Variants in GBF1 observed in about 807,000 individuals in gnomAD.
The protein encoded by GBF1 is Golgi-specific brefeldin A-resistance guanine nucleotide exchange factor 1.
In GBF1, 114 loss-of-function variants were observed where a neutral mutation model predicts 210.5. The ratio of observed to expected loss-of-function variants is 0.54; its 90% confidence interval spans 0.47 to 0.63. The LOEUF (loss-of-function observed/expected upper bound fraction) is 0.63. GBF1 is among the 30% of genes least tolerant of loss of function. The pLI is 0.00. For missense variants in GBF1, 1,851 were observed against 2,357.7 expected, an observed-to-expected ratio of 0.79 and a Z score of 4.45; for synonymous variants, 850 against 889.2, an observed-to-expected ratio of 0.96 and a Z score of 0.78.
intron 3 of GBF1, among the ~76,000 whole-genome samples, chr10:102,269,069 TTAGA>T (rs913232127): frequency 6.6e-6 from 1 of 152,218 alleles, no homozygotes; most frequent in Non-Finnish European, 1.5e-5. Flanking sequence ...CCTAAAGAAC[TTAGA>T]TGGACAAGCA....
chr10:102,326,843 GT>G (rs932258058), intron 3 of GBF1, among the ~76,000 whole-genome samples: 5 of 152,104 alleles, frequency 3.3e-5, no homozygotes, highest in Non-Finnish European at 5.9e-5. Context: ...TATATCAGTA[GT>G]TTTTTTCTGT....
chr10:102,250,591 C>T (rs2071391929), intron 1 of GBF1, among the ~76,000 whole-genome samples: 1 of 151,384 alleles, frequency 6.6e-6, no homozygotes, highest in Non-Finnish European at 1.5e-5. Flanking sequence ...TCAACCATTC[C>T]TCCTGCTTTG....
intron 24 of GBF1, 69 bp downstream of exon 24, chr10:102,369,456 A>ATAGAAG: frequency 7.9e-7 from 1 of 1,268,084 alleles, no homozygotes; most frequent in African/African-American, 1.5e-5. Flanking sequence ...CTACCTGTAC[A>ATAGAAG]TAGAAGTAAG....
chr10:102,272,995 C>A (rs2074589614), intron 3 of GBF1, among the ~76,000 whole-genome samples: 1 of 152,128 alleles, frequency 6.6e-6, no homozygotes, highest in African/African-American at 2.4e-5. Context: ...CACTTCCTTG[C>A]TTTCTGGTAC....
chr10:102,251,506 A>G (rs1319674897), intron 1 of GBF1, among the ~76,000 whole-genome samples: 1 of 152,134 alleles, frequency 6.6e-6, no homozygotes, highest in Non-Finnish European at 1.5e-5. Flanking sequence ...CATGGTGGTG[A>G]TACACTAAAT....
At chr10:102,281,256 C>T (rs1000131849) in intron 3 of GBF1, among the ~76,000 whole-genome samples, 1 of 152,066 alleles carries the variant, frequency 6.6e-6, no homozygotes, top group Admixed American at 6.6e-5. Flanking sequence ...AGAAAATCAA[C>T]TCTATTGCAA....
At chr10:102,262,556 C>T (rs2073371555) in intron 3 of GBF1, among the ~76,000 whole-genome samples, 2 of 152,262 alleles carry the variant, frequency 1.3e-5, no homozygotes, top group Non-Finnish European at 2.9e-5. Flanking sequence ...ACTGGGAATA[C>T]CCTAAAATGA....
In GBF1 at chr10:102,360,232, G is replaced by C. The variant is rs1038173884; in HGVS notation, c.1229G>C (p.Arg410Pro). The change falls in exon 12 of 40, where the codon CGC becomes CCC. Residue 410 changes from arginine (R) to proline (P), a missense_variant. By Grantham distance (103) the Arg-to-Pro change is moderately radical. Transcript: ENST00000369983. ...CTTCCCTGCATCCGCGAGCTCTTCC[G>C]CTTCCTCATCTCCCTCACCAATCCA... is the stretch of plus-strand genomic sequence containing the variant. ...YGLPCIRELF[R>P]FLISLTNPHD... 1 of 1,613,822 alleles carries C rather than the reference G, an allele frequency of 6.2e-7. No individual in the cohort carries two copies. The highest frequency in any genetic ancestry group is 1.3e-5 in the African/African-American group (1 of 74,872).
chr10:102,275,277 A>G (rs2133361654), intron 3 of GBF1, among the ~76,000 whole-genome samples: 2 of 152,308 alleles, frequency 1.3e-5, no homozygotes, highest in South Asian at 2.1e-4. Flanking sequence ...GTAGCAGCCT[A>G]CTACCTTTAG....
intron 3 of GBF1, among the ~76,000 whole-genome samples, chr10:102,303,430 T>C (rs2077567681): frequency 6.6e-6 from 1 of 152,234 alleles, no homozygotes; most frequent in Admixed American, 6.5e-5. Flanking sequence ...TGACCATAAA[T>C]GGCCCTGGTG....
In GBF1 at chr10:102,369,402, G is replaced by A. The variant is rs748441026; in HGVS notation, c.3150+15G>A. On this transcript the variant is annotated intron_variant, in intron 24 of 39. Coordinates refer to ENST00000369983, the MANE Select transcript of GBF1 (RefSeq NM_001377137.1). ...CTATGATAGAGGTAATTCTTAGTAGGAGACTAGTGAGCGATAACAAGGCAA... is the reference window on the plus strand; with the variant it reads ...CTATGATAGAGGTAATTCTTAGTAGAAGACTAGTGAGCGATAACAAGGCAA... 1 of 1,592,614 alleles carries A rather than the reference G, an allele frequency of 6.3e-7. No homozygotes were observed. The highest frequency in any genetic ancestry group is 1.1e-5 in the South Asian group (1 of 90,476).
intron 3 of GBF1, among the ~76,000 whole-genome samples, chr10:102,338,148 ATCAG>A (rs1054379143): frequency 6.6e-6 from 1 of 152,070 alleles, no homozygotes; most frequent in Non-Finnish European, 1.5e-5. Flanking sequence ...CTAGTTTTTC[ATCAG>A]TAGGTTTCTA....
At chr10:102,358,751 T>A in intron 10 of GBF1, 22 bp downstream of exon 10, 1 of 1,466,046 alleles carries the variant, frequency 6.8e-7, no homozygotes, top group Non-Finnish European at 9.6e-7. Flanking sequence ...ATTTTTAATG[T>A]CCCTCTTCAG....
intron 3 of GBF1, among the ~76,000 whole-genome samples, chr10:102,339,232 G>T (rs1355260828): frequency 6.6e-6 from 1 of 152,136 alleles, no homozygotes; most frequent in African/African-American, 2.4e-5. Flanking sequence ...ACGAGGTGGT[G>T]TGTGCCTGTA....
intron 4 of GBF1, among the ~76,000 whole-genome samples, chr10:102,346,154 T>C (rs2058555642): frequency 6.6e-6 from 1 of 152,192 alleles, no homozygotes; most frequent in Non-Finnish European, 1.5e-5. Context: ...GGCTAATTTT[T>C]GTATTTTTAG....
At chr10:102,253,987 G>A (rs1440703144) in intron 1 of GBF1, among the ~76,000 whole-genome samples, 2 of 151,988 alleles carry the variant, frequency 1.3e-5, no homozygotes, top group Admixed American at 6.6e-5. Context: ...TGCCAATTTT[G>A]GGGAGGGGTT....
At chr10:102,283,918 C>G (rs2075726970) in intron 3 of GBF1, among the ~76,000 whole-genome samples, 1 of 152,124 alleles carries the variant, frequency 6.6e-6, no homozygotes, top group Non-Finnish European at 1.5e-5. Context: ...GTTAAGTCTC[C>G]AAGGAGGGGA....
At chr10:102,285,885 AT>A (rs2075892230) in intron 3 of GBF1, among the ~76,000 whole-genome samples, 1 of 151,694 alleles carries the variant, frequency 6.6e-6, no homozygotes, top group African/African-American at 2.4e-5. Flanking sequence ...GAAAAAAATT[AT>A]TTTGCTATTT....
chr10:102,310,927 G>T (rs141202294), intron 3 of GBF1, among the ~76,000 whole-genome samples: 1 of 152,212 alleles, frequency 6.6e-6, no homozygotes, highest in African/African-American at 2.4e-5. Context: ...GATGCATCCC[G>T]CTGGATGGCC....
Sources: gnomAD v4.1 joint callset for allele counts (sites outside exome capture counted in the v4.1 genomes callset) on GRCh38, gnomAD v4.1.1 for gene constraint, MANE v1.5 for transcripts, NCBI Gene and HGNC (gene_info 2026-07-23, HGNC 2026-07-21) for gene names.